ADAT2: variants seen among roughly 807,000 people sequenced by gnomAD.
ADAT2 encodes tRNA-specific adenosine-34 deaminase catalytic subunit ADAT2.
Under a neutral mutation model 25.9 loss-of-function variants are expected in ADAT2, and 26 were observed. The observed-to-expected ratio is 1.00, with a 90% CI of 0.74 to 1.39. The LOEUF is 1.39. ADAT2 is among the 40% of genes most tolerant of loss of function. The probability of loss-of-function intolerance (pLI) is 0.00; values close to 1 mark genes in which losing one functional copy is unlikely to be tolerated. For missense variants in ADAT2, 220 were observed against 244.8 expected (o/e 0.90, Z 0.68); for synonymous variants, 76 against 86.8 (o/e 0.88, Z 0.69).
rs985754731 is a variant in ADAT2 at position 143,424,006 on chromosome 6, G to A, written c.*4457C>T. ...TCCTTAATAGTCATGGATATGTGGT[G>A]TTCAACCCAATATCCACTTAGAAAT... On this transcript the variant is annotated 3_prime_UTR_variant, in exon 6 of 6. Coordinates refer to ENST00000237283, the MANE Select transcript of ADAT2 (RefSeq NM_182503.3). The surrounding 1 kb of genome is among the most constrained non-coding windows in gnomAD (Gnocchi z 4.8). The A allele has an allele frequency of 3.9e-5, 6 of 152,144 alleles. No homozygotes were observed. Among genetic ancestry groups the A allele is most frequent in the African/African-American group, 1.4e-4 (6 of 41,416 alleles). The allele number at this position is 152,144 out of a possible 1,614,324, so 9.4% of individuals were successfully genotyped here.
At chr6:143,445,624 T>C (rs1292116235) in intron 1 of ADAT2, among the ~76,000 whole-genome samples, 1 of 152,202 alleles carries the variant, frequency 6.6e-6, no homozygotes, top group African/African-American at 2.4e-5. Flanking sequence ...CAGCACTTTA[T>C]ATCTGTCTCT....
At position 143,446,124 on chromosome 6, in the gene ADAT2, T is replaced by C. The variant is rs1779592245; in HGVS notation, c.96+4439A>G. Among the ~76,000 whole-genome samples, 1 of 150,576 alleles carries C rather than the reference T, an allele frequency of 6.6e-6. No individual in the cohort carries two copies. The highest frequency in any genetic ancestry group is 6.6e-5 in the Admixed American group (1 of 15,132). On this transcript the variant is annotated intron_variant, in intron 1 of 5. Coordinates refer to ENST00000237283, the MANE Select transcript of ADAT2 (RefSeq NM_182503.3). The surrounding 1 kb of genome is among the most constrained non-coding windows in gnomAD (Gnocchi z 5.0). ...AGAATCCCAATACCCCAAAATATAA[T>C]CCCTGTTATTCTGAAGCAACGGGGG...
intron 4 of ADAT2, among the ~76,000 whole-genome samples, chr6:143,429,403 GGAAAA>G (rs1182206267): frequency 2.0e-5 from 3 of 152,064 alleles, no homozygotes; most frequent in Admixed American, 6.5e-5. Context: ...ATCTAACTGG[GGAAAA>G]GAAATCATAA....
At chr6:143,448,832 A>C (rs1779670351) in intron 1 of ADAT2, among the ~76,000 whole-genome samples, 1 of 152,064 alleles carries the variant, frequency 6.6e-6, no homozygotes, top group Admixed American at 6.6e-5. Flanking sequence ...ACACAGAGAG[A>C]CCCTGTCTAA....
At position 143,433,910 on chromosome 6, in the gene ADAT2, G is replaced by C. The variant is rs1554278342; in HGVS notation, c.273C>G (p.Pro91=). 3 of 1,614,144 alleles carry C rather than the reference G, an allele frequency of 1.9e-6. No individual in the cohort carries two copies. In the Admixed American group the frequency reaches 5.0e-5, roughly 27 times the overall value. ...LDWCRQSGKS[P]SEVFEHTVLY... is the part of the protein sequence containing the mutation. ...ACACAGTGTGTTCAAATACTTCAGA[G>C]GGACTCTTGCCACTTTGACGACACC... The change falls in exon 3 of 6, where the codon CCC becomes CCG. Residue 91 remains proline (P), a synonymous_variant. Coordinates refer to ENST00000237283, the MANE Select transcript of ADAT2 (RefSeq NM_182503.3).
chr6:143,434,014 T>C lies in ADAT2; in HGVS notation c.202-33A>G, dbSNP rs756147462. The C allele has an allele frequency of 5.7e-5, 91 of 1,610,358 alleles. No homozygotes were observed. The highest frequency in any genetic ancestry group is 7.5e-5 in the Non-Finnish European group (88 of 1,178,954). On this transcript the variant is annotated intron_variant, in intron 2 of 5. Transcript: ENST00000237283. This position sits in a 1 kb window ranked among gnomAD's most constrained non-coding sequence, Gnocchi z 4.5. ...GAGAAAGGGGCTTGCACTGATGCTG[T>C]TTGCTTCATGTGACTACTATTTTAC...
chr6:143,432,726 A>T lies in ADAT2; in HGVS notation c.353-115T>A. ...GAGGAACGCTCATGCTACTCTTCAA[A>T]CCAGTGAAGCTTAGGATTCGTCTTA... is the stretch of plus-strand genomic sequence containing the variant. On this transcript the variant is annotated intron_variant, in intron 3 of 5. Transcript: ENST00000237283. The surrounding 1 kb of genome is among the most constrained non-coding windows in gnomAD (Gnocchi z 4.4). 1.1e-6 allele frequency: 1 copy of T among 932,554 alleles called. No individual in the cohort carries two copies. The highest frequency in any genetic ancestry group is 1.7e-6 in the Non-Finnish European group (1 of 587,548). 57.8% of individuals were successfully genotyped at this position (932,554 alleles called of 1,614,324 possible).
At position 143,444,993 on chromosome 6, in the gene ADAT2, G is replaced by A. The variant is rs187608496; in HGVS notation, c.96+5570C>T. On this transcript the variant is annotated intron_variant, in intron 1 of 5. Transcript: ENST00000237283. This position sits in a 1 kb window ranked among gnomAD's most constrained non-coding sequence, Gnocchi z 4.3. ...TCCTATAAAGACAAAAAATTAGGGG[G>A]AACAAACAAGTTAGCCAGAACTCTC... 1.9e-5 allele frequency: 25 copies of A among 1,295,246 alleles called. No homozygotes were observed. In the African/African-American group the frequency reaches 3.5e-4, roughly 18 times the overall value. The allele number at this position is 1,295,246 out of a possible 1,614,324, so 80.2% of individuals were successfully genotyped here.
Position 143,450,574 on chromosome 6 carries a change from C to T in ADAT2, c.85G>A (p.Ala29Thr). ...AEETEKWMEE[A>T]MHMAKEALEN... ...CCCGGGCTCCTCACCATGTGCATCGCCTCCTCCATCCACTTTTCGGTCTCC... is the reference window on the plus strand; with the variant it reads ...CCCGGGCTCCTCACCATGTGCATCGTCTCCTCCATCCACTTTTCGGTCTCC... The change falls in exon 1 of 6, where the codon GCG becomes ACG. Residue 29 changes from alanine (A) to threonine (T), a missense_variant. By Grantham distance (58) the Ala-to-Thr change is moderately conservative. Transcript: ENST00000237283. The T allele has an allele frequency of 6.2e-7, 1 of 1,614,144 alleles. No homozygotes were observed.
rs866407436 is a variant in ADAT2 at position 143,440,777 on chromosome 6, A to G, written c.97-2083T>C. 1.3e-5 allele frequency among the ~76,000 whole-genome samples: 2 copies of G among 152,238 alleles called. No homozygotes were observed. Among genetic ancestry groups the G allele is most frequent in the Admixed American group, 6.5e-5 (1 of 15,288 alleles). On this transcript the variant is annotated intron_variant, in intron 1 of 5. Transcript: ENST00000237283. This position sits in a 1 kb window ranked among gnomAD's most constrained non-coding sequence, Gnocchi z 4.5. ...GAATGGAAATGCTAACTACCAGTGT[A>G]GCTATGGCAATTATTATACTAAGAA...
chr6:143,448,953 T>A (rs1209871533), intron 1 of ADAT2, among the ~76,000 whole-genome samples: 1 of 152,236 alleles, frequency 6.6e-6, no homozygotes, highest in Non-Finnish European at 1.5e-5. Flanking sequence ...CGTCGGAAAG[T>A]ACTTAGATTT....
Position 143,449,173 on chromosome 6 carries a change from G to A in ADAT2, c.96+1390C>T, listed in dbSNP as rs953864353. Among the ~76,000 whole-genome samples the A allele has an allele frequency of 1.9e-4, 29 of 152,140 alleles. 1 individual carries two copies. Among genetic ancestry groups the A allele is most frequent in the Admixed American group, 1.6e-3 (24 of 15,286 alleles). On this transcript the variant is annotated intron_variant, in intron 1 of 5. Transcript: ENST00000237283. Reference sequence around the variant, plus strand: ...AGCAATCCACCTTCCTCAGCCTCCTGAGTAGTTGGGACTACAGGCACATGC... The same window carrying A: ...AGCAATCCACCTTCCTCAGCCTCCTAAGTAGTTGGGACTACAGGCACATGC...
Position 143,437,329 on chromosome 6 carries a change from T to C in ADAT2, c.201+1261A>G, listed in dbSNP as rs1340521460. ...GTATTTTTAATCACTGATAATCTAA[T>C]GTTACAAAGAAATTGCTTTTTTCTT... On this transcript the variant is annotated intron_variant, in intron 2 of 5. Coordinates refer to ENST00000237283, the MANE Select transcript of ADAT2 (RefSeq NM_182503.3). This position sits in a 1 kb window ranked among gnomAD's most constrained non-coding sequence, Gnocchi z 4.1. Among the ~76,000 whole-genome samples the C allele has an allele frequency of 6.6e-6, 1 of 152,244 alleles. No individual in the cohort carries two copies. The highest frequency in any genetic ancestry group is 1.5e-5 in the Non-Finnish European group (1 of 68,028).
At position 143,426,022 on chromosome 6, in the gene ADAT2, A is replaced by C. The variant is rs1778924882; in HGVS notation, c.*2441T>G. On this transcript the variant is annotated 3_prime_UTR_variant, in exon 6 of 6. Transcript: ENST00000237283. This position sits in a 1 kb window ranked among gnomAD's most constrained non-coding sequence, Gnocchi z 4.1. ...TCCACAGTTTGTTGCAAAGACCAGC[A>C]AACACTGGATAACTCTAGCAGCTTC... is the stretch of plus-strand genomic sequence containing the variant. The C allele has an allele frequency of 6.6e-6, 1 of 152,594 alleles. No homozygotes were observed. The highest frequency in any genetic ancestry group is 2.1e-4 in the South Asian group (1 of 4,832). 9.5% of individuals were successfully genotyped at this position (152,594 alleles called of 1,614,324 possible). A position where few individuals can be genotyped will look rare whatever the true frequency, so the allele number is the denominator to read the frequency against.
chr6:143,429,359 T>A (rs1046543434), intron 4 of ADAT2, among the ~76,000 whole-genome samples: 1 of 152,170 alleles, frequency 6.6e-6, no homozygotes, highest in Non-Finnish European at 1.5e-5. Context: ...CAGAGGATTT[T>A]AAAAAATAAA....
In ADAT2 at chr6:143,425,351, CAAA is replaced by C. The variant is rs775768101; in HGVS notation, c.*3109_*3111del. On this transcript the variant is annotated 3_prime_UTR_variant, in exon 6 of 6. Coordinates refer to ENST00000237283, the MANE Select transcript of ADAT2 (RefSeq NM_182503.3). ...GCAACATAGTGAGACCTTGTCTCTA[CAAA>C]AAAAAAAAAAAAAAAAAATTAGGTG... 52 of 92,212 alleles carry C rather than the reference CAAA, an allele frequency of 5.6e-4. No individual in the cohort carries two copies. Among genetic ancestry groups the C allele is most frequent in the Non-Finnish European group, 8.0e-4 (37 of 46,088 alleles). 5.7% of individuals were successfully genotyped at this position (92,212 alleles called of 1,614,324 possible).
At chr6:143,443,149 G>GT (rs1779509195) in intron 1 of ADAT2, among the ~76,000 whole-genome samples, 1 of 124,328 alleles carries the variant, frequency 8.0e-6, no homozygotes, top group African/African-American at 3.3e-5. Context: ...GGCACAGGGA[G>GT]ATTTTTTTTT....
At chr6:143,447,020 G>T (rs1333224817) in intron 1 of ADAT2, among the ~76,000 whole-genome samples, 1 of 152,162 alleles carries the variant, frequency 6.6e-6, no homozygotes, top group Non-Finnish European at 1.5e-5. Flanking sequence ...ATGATGCTAT[G>T]CTTAGCTCTC....
Position 143,428,947 on chromosome 6 carries a change from C to T in ADAT2, c.460-263G>A, listed in dbSNP as rs553073598. Reference sequence around the variant, plus strand: ...CATTAACTATTATAGAAGTTACCAGCTTTGTGATCTTGGGTTAGGCACTTA... The same window carrying T: ...CATTAACTATTATAGAAGTTACCAGTTTTGTGATCTTGGGTTAGGCACTTA... On this transcript the variant is annotated intron_variant, in intron 4 of 5. Transcript: ENST00000237283. This position sits in a 1 kb window ranked among gnomAD's most constrained non-coding sequence, Gnocchi z 5.0. 2.6e-5 allele frequency among the ~76,000 whole-genome samples: 4 copies of T among 152,292 alleles called. No individual in the cohort carries two copies. The highest frequency in any genetic ancestry group is 7.2e-5 in the African/African-American group (3 of 41,566).
Sources: allele counts gnomAD v4.1 joint callset (sites outside exome capture counted in the v4.1 genomes callset), GRCh38; gene constraint gnomAD v4.1.1; non-coding constraint Gnocchi (gnomAD v3.1); transcripts MANE v1.5; gene names NCBI Gene and HGNC (gene_info 2026-07-23, HGNC 2026-07-21).